FRS2: variants seen among roughly 807,000 people sequenced by gnomAD.
FRS2 encodes FGFR signalling adaptor.
In FRS2, 8 loss-of-function variants were observed where a neutral mutation model predicts 43.9. The ratio of observed to expected loss-of-function variants is 0.18; its 90% CI spans 0.11 to 0.33. The LOEUF (loss-of-function observed/expected upper bound fraction) is 0.33. Among genes scored for constraint, FRS2 ranks in the 10% least tolerant of loss-of-function variants. FRS2 has a pLI of 1.00. For missense variants in FRS2, 534 were observed against 627.6 expected (o/e 0.85, Z 1.59); for synonymous variants, 219 against 220.3 (o/e 0.99, Z 0.05).
intron 1 of FRS2, among the ~76,000 whole-genome samples, chr12:69,481,882 C>T (rs1048739834): frequency 2.0e-5 from 3 of 152,076 alleles, no homozygotes; most frequent in Non-Finnish European, 4.4e-5. Context: ...TGCCCACTTG[C>T]CCCTCATTAG....
Position 69,511,835 on chromosome 12 carries a change from A to G in FRS2, c.-260-19030A>G, listed in dbSNP as rs144349771. On this transcript the variant is annotated intron_variant, in intron 1 of 8. Coordinates refer to ENST00000549921, the MANE Select transcript of FRS2 (RefSeq NM_001278356.2). ...GTTTTGAGGATTAAATGAACAATGT[A>G]TGTAACCTAAAAACAAAAAATACCT... Among the ~76,000 whole-genome samples the G allele has an allele frequency of 9.5e-3, 1,450 of 152,362 alleles. 27 individuals carry two copies. Among genetic ancestry groups the G allele is most frequent in the African/African-American group, 0.032 (1,340 of 41,582 alleles).
Position 69,578,147 on chromosome 12 carries a change from A to G in FRS2, c.*3192A>G, listed in dbSNP as rs757944365. On this transcript the variant is annotated 3_prime_UTR_variant, in exon 9 of 9. Coordinates refer to ENST00000549921, the MANE Select transcript of FRS2 (RefSeq NM_001278356.2). ...TTAACAGATGAAAAAGTACTTCCCAATTCCCCCGTGCTATTCCTAACCTAT... is the reference window on the plus strand; with the variant it reads ...TTAACAGATGAAAAAGTACTTCCCAGTTCCCCCGTGCTATTCCTAACCTAT... The G allele has an allele frequency of 6.6e-6, 1 of 152,544 alleles. No homozygotes were observed. The highest frequency in any genetic ancestry group is 1.5e-5 in the Non-Finnish European group (1 of 67,998). The allele number at this position is 152,544 out of a possible 1,614,324, so 9.4% of individuals were successfully genotyped here. A position where few individuals can be genotyped will look rare whatever the true frequency, so the allele number is the denominator to read the frequency against.
At chr12:69,551,277 C>G (rs1341415974) in intron 3 of FRS2, among the ~76,000 whole-genome samples, 2 of 152,076 alleles carry the variant, frequency 1.3e-5, no homozygotes, top group African/African-American at 2.4e-5. Flanking sequence ...CACTTGAGCC[C>G]AAGAGGTTAA....
chr12:69,553,209 T>C (rs1282262233), intron 3 of FRS2, among the ~76,000 whole-genome samples: 1 of 151,976 alleles, frequency 6.6e-6, no homozygotes, highest in Non-Finnish European at 1.5e-5. Context: ...GTAGTTGGGA[T>C]TACAGGCGCC....
intron 1 of FRS2, among the ~76,000 whole-genome samples, chr12:69,495,676 C>T (rs1223534356): frequency 1.3e-5 from 2 of 152,042 alleles, no homozygotes; most frequent in African/African-American, 2.4e-5. Flanking sequence ...TAATTTGAGG[C>T]CAGGAGTTTA....
intron 1 of FRS2, among the ~76,000 whole-genome samples, chr12:69,517,294 C>T (rs1875153245): frequency 1.3e-5 from 2 of 152,128 alleles, no homozygotes; most frequent in Admixed American, 6.5e-5. Flanking sequence ...TTACTTTCAG[C>T]TTATATGTAT....
rs1014358211 is a variant in FRS2, at chr12:69,579,361, TCATGACAA to T, written c.*4408_*4415del. The T allele has an allele frequency of 2.0e-5, 3 of 152,634 alleles. No homozygotes were observed. Among genetic ancestry groups the T allele is most frequent in the Non-Finnish European group, 4.4e-5 (3 of 68,042 alleles). 9.5% of individuals were successfully genotyped at this position (152,634 alleles called of 1,614,324 possible). On this transcript the variant is annotated 3_prime_UTR_variant, in exon 9 of 9. Coordinates refer to ENST00000549921, the MANE Select transcript of FRS2 (RefSeq NM_001278356.2). ...ATGTGCTTTTTAAGCTTAATTTTTGTCATGACAACTAATTTTTTTTATCTTTGGAGAAG... is the reference window on the plus strand; with the variant it reads ...ATGTGCTTTTTAAGCTTAATTTTTGTCTAATTTTTTTTATCTTTGGAGAAG...
chr12:69,526,977 C>T (rs1476160829), intron 1 of FRS2, among the ~76,000 whole-genome samples: 1 of 152,188 alleles, frequency 6.6e-6, no homozygotes, highest in Non-Finnish European at 1.5e-5. Flanking sequence ...CCCGCCTTGG[C>T]CTCCCAAAGT....
At chr12:69,510,298 A>C (rs891433056) in intron 1 of FRS2, among the ~76,000 whole-genome samples, 1 of 152,174 alleles carries the variant, frequency 6.6e-6, no homozygotes, top group South Asian at 2.1e-4. Context: ...CCCTCGGTAG[A>C]GTTAATTACT....
Position 69,574,132 on chromosome 12 carries a change from T to A in FRS2, c.704T>A (p.Ile235Asn). The change falls in exon 9 of 9, where the codon ATT becomes AAT. Residue 235 changes from isoleucine (I) to asparagine (N), a missense_variant. Physicochemically the swap from Ile to Asn is moderately radical, Grantham distance 149. Transcript: ENST00000549921. ...ACACCAAAAGAAGAACCAAGTAGTATTGAGGACAGGGATCCTCAGATTCTT... is the reference window on the plus strand; with the variant it reads ...ACACCAAAAGAAGAACCAAGTAGTAATGAGGACAGGGATCCTCAGATTCTT... ...SSTPKEEPSS[I>N]EDRDPQILLE... 1 of 1,613,904 alleles carries A rather than the reference T, an allele frequency of 6.2e-7. No homozygotes were observed. The highest frequency in any genetic ancestry group is 8.5e-7 in the Non-Finnish European group (1 of 1,179,714).
rs1881158892 is a variant in FRS2 at position 69,575,881 on chromosome 12, A to C, written c.*926A>C. 2 of 152,544 alleles carry C rather than the reference A, an allele frequency of 1.3e-5. No individual in the cohort carries two copies. Among genetic ancestry groups the C allele is most frequent in the Non-Finnish European group, 2.9e-5 (2 of 68,028 alleles). 9.4% of individuals were successfully genotyped at this position (152,544 alleles called of 1,614,324 possible). Reference sequence around the variant, plus strand: ...ATTTAAAATGTTTGAGTTTGTATATAGTTTTGAAATTGGATTATGTGTTCA... The same window carrying C: ...ATTTAAAATGTTTGAGTTTGTATATCGTTTTGAAATTGGATTATGTGTTCA... On this transcript the variant is annotated 3_prime_UTR_variant, in exon 9 of 9. Coordinates refer to ENST00000549921, the MANE Select transcript of FRS2 (RefSeq NM_001278356.2).
rs754517453 is a variant in FRS2, at chr12:69,575,251, CTT to C, written c.*297_*298del. ...GGTTGATTTTTATCAATATTCTGGA[CTT>C]AACGCATACCTTTCATGTCTAAGTC... On this transcript the variant is annotated 3_prime_UTR_variant, in exon 9 of 9. Coordinates refer to ENST00000549921, the MANE Select transcript of FRS2 (RefSeq NM_001278356.2). 4 of 336,662 alleles carry C rather than the reference CTT, an allele frequency of 1.2e-5. No homozygotes were observed. The highest frequency in any genetic ancestry group is 2.2e-5 in the Non-Finnish European group (4 of 184,988). The allele number at this position is 336,662 out of a possible 1,614,324, so 20.9% of individuals were successfully genotyped here.
At chr12:69,477,671 A>G (rs1870939223) in intron 1 of FRS2, among the ~76,000 whole-genome samples, 1 of 151,184 alleles carries the variant, frequency 6.6e-6, no homozygotes, top group Non-Finnish European at 1.5e-5. Context: ...TGGCTTTATC[A>G]CTGGTTAGTA....
intron 1 of FRS2, among the ~76,000 whole-genome samples, chr12:69,492,014 T>C (rs1306483349): frequency 1.3e-5 from 2 of 152,234 alleles, no homozygotes; most frequent in Non-Finnish European, 2.9e-5. Flanking sequence ...CTAGTTTGGT[T>C]ATATGCTGTT....
At chr12:69,521,639 G>A (rs1360564412) in intron 1 of FRS2, among the ~76,000 whole-genome samples, 2 of 151,488 alleles carry the variant, frequency 1.3e-5, no homozygotes, top group Non-Finnish European at 2.9e-5. Flanking sequence ...TTTTTGAGAT[G>A]GAGTCTCGCT....
intron 3 of FRS2, among the ~76,000 whole-genome samples, chr12:69,559,533 C>T (rs536371557): frequency 1.3e-4 from 20 of 152,068 alleles, no homozygotes; most frequent in African/African-American, 4.6e-4. Context: ...AAAATAGTCA[C>T]GTACCTTTGT....
chr12:69,573,438 A>T (rs1880928520), intron 8 of FRS2, among the ~76,000 whole-genome samples: 1 of 152,140 alleles, frequency 6.6e-6, no homozygotes, highest in Non-Finnish European at 1.5e-5. Flanking sequence ...ATCATGTTTA[A>T]CAATCAAATA....
chr12:69,470,588 C>G (rs965286987), intron 1 of FRS2, 58 bp downstream of exon 1: 2 of 397,954 alleles, frequency 5.0e-6, no homozygotes, highest in African/African-American at 4.1e-5. Flanking sequence ...AGCTGGCGTT[C>G]TCGTGCCCCC....
At chr12:69,532,838 G>A (rs1037684588) in intron 3 of FRS2, among the ~76,000 whole-genome samples, 3 of 152,166 alleles carry the variant, frequency 2.0e-5, no homozygotes, top group Non-Finnish European at 4.4e-5. Flanking sequence ...ATATTGACTT[G>A]TTATTCTATT....
Sources: allele counts gnomAD v4.1 joint callset (sites outside exome capture counted in the v4.1 genomes callset), GRCh38; gene constraint gnomAD v4.1.1; transcripts MANE v1.5; gene names NCBI Gene and HGNC (gene_info 2026-07-23, HGNC 2026-07-21).